Variants in PRELID3A observed in about 807,000 individuals in gnomAD.
PRELID3A encodes PRELI domain containing 3A.
A neutral mutation model predicts 23.0 loss-of-function variants in PRELID3A; 27 were observed. The observed-to-expected ratio is 1.17, with a 90% CI of 0.87 to 1.62. PRELID3A has a LOEUF of 1.62. Among genes scored for constraint, PRELID3A ranks in the 40% most tolerant of loss-of-function variants. The pLI is 0.00. For missense variants in PRELID3A, 231 were observed against 231.4 expected (o/e 1.00, Z 0.01); for synonymous variants, 87 against 86.4 (o/e 1.01, Z -0.04).
At chr18:12,417,610 G>A (rs114771722) in intron 1 of PRELID3A, among the ~76,000 whole-genome samples, 1,997 of 152,300 alleles carry the variant, frequency 0.013, 43 homozygotes, top group African/African-American at 0.045. Context: ...ATTTCTATGG[G>A]AATAAGTCTA....
rs67993774 is a variant in PRELID3A at position 12,426,563 on chromosome 18, A to AAAAAAAAAAAAAAAAACAAAG, written c.292-475_292-474insAAAAAAAAAAAAACAAAGAAA. Among the ~76,000 whole-genome samples, 2 of 87,720 alleles carry AAAAAAAAAAAAAAAAACAAAG rather than the reference A, an allele frequency of 2.3e-5. 1 individual carries two copies. Among genetic ancestry groups the AAAAAAAAAAAAAAAAACAAAG allele is most frequent in the Non-Finnish European group, 4.1e-5 (2 of 48,632 alleles). 57.5% of individuals were successfully genotyped at this position (87,720 alleles called of 152,430 possible). On this transcript the variant is annotated intron_variant, in intron 3 of 6. Coordinates refer to ENST00000440960, the MANE Select transcript of PRELID3A (RefSeq NM_001142405.2). ...AGTGAGACTCCATCTCAAAAAAAAA[A>AAAAAAAAAAAAAAAAACAAAG]AAAGTATAAATATGTACATAAGGAG...
chr18:12,411,301 TA>T (rs775153295), intron 1 of PRELID3A, among the ~76,000 whole-genome samples: 5,752 of 132,054 alleles, frequency 0.044, 122 homozygotes, highest in Non-Finnish European at 0.051. Flanking sequence ...TACTAAAAAA[TA>T]AAAAAAAAAA....
rs1051176398 is a variant in PRELID3A, at chr18:12,421,566, A to G, written c.228A>G (p.Thr76=). 4 of 1,613,738 alleles carry G rather than the reference A, an allele frequency of 2.5e-6. No individual in the cohort carries two copies. The African/African-American group carries it at 4.0e-5, about 16-fold the overall frequency. The stretch of plus-strand genomic sequence containing the variant: ...TTTTGGGAACCAGTAGGACATTGAC[A>G]TACATCCGAGAACATTCTGTGGTGG... ...RAILGTSRTL[T]YIREHSVVDP... is the part of the protein sequence containing the mutation. The change falls in exon 3 of 7, where the codon ACA becomes ACG. Residue 76 remains threonine, a synonymous_variant. Coordinates refer to ENST00000440960, the MANE Select transcript of PRELID3A (RefSeq NM_001142405.2).
At chr18:12,410,481 G>T (rs540421664) in intron 1 of PRELID3A, among the ~76,000 whole-genome samples, 247 of 152,284 alleles carry the variant, frequency 1.6e-3, no homozygotes, top group Non-Finnish European at 2.9e-3. Context: ...GTACCATGAG[G>T]TGGTACCATG....
rs758768125 is a variant in PRELID3A at position 12,420,435 on chromosome 18, G to A, written c.143G>A (p.Arg48His). ...CAGCGCCGCGTGGACGGCCGCGGCC[G>A]CCTGCACAGCTTGCGCCTGCTCAGC... Reference protein sequence around the residue: ...VLQRRVDGRGRLHSLRLLSTE... With the variant: ...VLQRRVDGRGHLHSLRLLSTE... The change falls in exon 2 of 7, where the codon CGC (arginine) becomes CAC (histidine). Residue 48 changes from arginine to histidine, a missense_variant. Arg to His is a conservative substitution (Grantham distance 29, BLOSUM62 0). Transcript: ENST00000440960. 6.3e-7 allele frequency: 1 copy of A among 1,584,102 alleles called. No individual in the cohort carries two copies. Among genetic ancestry groups the A allele is most frequent in the Non-Finnish European group, 8.6e-7 (1 of 1,166,260 alleles).
chr18:12,414,090 CAG>C (rs1016295852), intron 1 of PRELID3A, among the ~76,000 whole-genome samples: 4 of 152,102 alleles, frequency 2.6e-5, no homozygotes, highest in Admixed American at 1.3e-4. Context: ...AGCAGAGAGA[CAG>C]GGGCTCCCAC....
intron 2 of PRELID3A, 148 bp from the exon 3 acceptor site, chr18:12,421,392 G>A (rs774523073): frequency 1.6e-6 from 1 of 629,086 alleles, no homozygotes; most frequent in African/African-American, 1.8e-5. Flanking sequence ...AAGCGCCCTG[G>A]ACACAGGGGT....
chr18:12,431,471 C>T lies in PRELID3A; in HGVS notation c.*355C>T, dbSNP rs2030601013. 7.2e-6 allele frequency: 1 copy of T among 139,430 alleles called. No individual in the cohort carries two copies. The highest frequency in any genetic ancestry group is 2.6e-5 in the African/African-American group (1 of 39,066). 8.6% of individuals were successfully genotyped at this position (139,430 alleles called of 1,614,324 possible). On this transcript the variant is annotated 3_prime_UTR_variant, in exon 7 of 7. Coordinates refer to ENST00000440960, the MANE Select transcript of PRELID3A (RefSeq NM_001142405.2). ...TCTCCCTGCAGGTGACCCGCGCCGC[C>T]CCCGCCCGCCCGCCCACGCTGTCCT...
At chr18:12,425,501 G>A (rs992293986) in intron 3 of PRELID3A, among the ~76,000 whole-genome samples, 6 of 151,462 alleles carry the variant, frequency 4.0e-5, no homozygotes, top group South Asian at 2.1e-4. Flanking sequence ...GCATGGTGGC[G>A]GGCGCCTGTA....
At chr18:12,421,406 G>T (rs778377066) in intron 2 of PRELID3A, 134 bp from the exon 3 acceptor site, 1 of 660,792 alleles carries the variant, frequency 1.5e-6, no homozygotes, top group Non-Finnish European at 2.7e-6. Flanking sequence ...CAGGGGTTTT[G>T]TCTCTGTCCC....
intron 1 of PRELID3A, among the ~76,000 whole-genome samples, chr18:12,417,582 G>A (rs771627490): frequency 3.9e-5 from 6 of 152,202 alleles, no homozygotes; most frequent in Admixed American, 3.9e-4. Context: ...GGCATACCCT[G>A]TTCTGCTTAA....
At position 12,432,090 on chromosome 18, in the gene PRELID3A, A is replaced by G. The variant is rs895725424; in HGVS notation, c.*974A>G. On this transcript the variant is annotated 3_prime_UTR_variant, in exon 7 of 7. Transcript: ENST00000440960. ...GTTAAAAAAGAGTACAGGAGTCTGG[A>G]GTCCGTTGAAGGGTAAAGGCCTCCC... is the stretch of plus-strand genomic sequence containing the variant. The G allele has an allele frequency of 2.6e-5, 4 of 152,260 alleles. No homozygotes were observed. Among genetic ancestry groups the G allele is most frequent in the African/African-American group, 9.6e-5 (4 of 41,476 alleles). The allele number at this position is 152,260 out of a possible 1,614,324, so 9.4% of individuals were successfully genotyped here. A position where few individuals can be genotyped will look rare whatever the true frequency, so the allele number is the denominator to read the frequency against.
At position 12,407,949 on chromosome 18, in the gene PRELID3A, C is replaced by A; in HGVS notation, c.-27C>A. 1 of 1,293,688 alleles carries A rather than the reference C, an allele frequency of 7.7e-7. No homozygotes were observed. Among genetic ancestry groups the A allele is most frequent in the Non-Finnish European group, 9.8e-7 (1 of 1,023,320 alleles). 80.1% of individuals were successfully genotyped at this position (1,293,688 alleles called of 1,614,324 possible). On this transcript the variant is annotated 5_prime_UTR_variant, in exon 1 of 7. Coordinates refer to ENST00000440960, the MANE Select transcript of PRELID3A (RefSeq NM_001142405.2). Reference sequence around the variant, plus strand: ...GGCCCGAAGCACCCGGCCCGGATCGCAGAGCCCGCGCCCTGCGCCGGCGGC... The same window carrying A: ...GGCCCGAAGCACCCGGCCCGGATCGAAGAGCCCGCGCCCTGCGCCGGCGGC...
At chr18:12,409,194 G>A (rs1909832284) in intron 1 of PRELID3A, among the ~76,000 whole-genome samples, 1 of 111,828 alleles carries the variant, frequency 8.9e-6, no homozygotes, top group Non-Finnish European at 1.7e-5. Flanking sequence ...TGAGACATAG[G>A]CTCGCTGGGT....
At chr18:12,411,971 C>T (rs1179492686) in intron 1 of PRELID3A, among the ~76,000 whole-genome samples, 1 of 144,308 alleles carries the variant, frequency 6.9e-6, no homozygotes, top group African/African-American at 2.6e-5. Context: ...AGTGCAGGGG[C>T]GCAGTCTCGG....
intron 3 of PRELID3A, among the ~76,000 whole-genome samples, chr18:12,426,581 A>G (rs957665218): frequency 1.4e-5 from 2 of 142,644 alleles, no homozygotes; most frequent in East Asian, 2.0e-4. Context: ...AAATATGTAC[A>G]TAAGGAGTTA....
rs572695603 is a variant in PRELID3A, at chr18:12,431,838, G to C, written c.*722G>C. On this transcript the variant is annotated 3_prime_UTR_variant, in exon 7 of 7. Transcript: ENST00000440960. ...CACTGCCGTGCCCGGGGGACATCCTGCGCCCAGGCTGGAGGCCCTGCCTCG... is the reference window on the plus strand; with the variant it reads ...CACTGCCGTGCCCGGGGGACATCCTCCGCCCAGGCTGGAGGCCCTGCCTCG... 3 of 152,390 alleles carry C rather than the reference G, an allele frequency of 2.0e-5. No homozygotes were observed. The highest frequency in any genetic ancestry group is 2.0e-4 in the Admixed American group (3 of 15,304). 9.4% of individuals were successfully genotyped at this position (152,390 alleles called of 1,614,324 possible). A position where few individuals can be genotyped will look rare whatever the true frequency, so the allele number is the denominator to read the frequency against.
chr18:12,407,942 C>T lies in PRELID3A; in HGVS notation c.-34C>T, dbSNP rs892699932. On this transcript the variant is annotated 5_prime_UTR_variant, in exon 1 of 7. Transcript: ENST00000440960. Reference sequence around the variant, plus strand: ...GCCGCGCGGCCCGAAGCACCCGGCCCGGATCGCAGAGCCCGCGCCCTGCGC... The same window carrying T: ...GCCGCGCGGCCCGAAGCACCCGGCCTGGATCGCAGAGCCCGCGCCCTGCGC... 4.7e-6 allele frequency: 6 copies of T among 1,290,046 alleles called. No homozygotes were observed. The highest frequency in any genetic ancestry group is 4.1e-5 in the Admixed American group (1 of 24,650). 79.9% of individuals were successfully genotyped at this position (1,290,046 alleles called of 1,614,324 possible).
chr18:12,430,022 G>T (rs938955823), intron 6 of PRELID3A, among the ~76,000 whole-genome samples: 4 of 152,252 alleles, frequency 2.6e-5, no homozygotes, highest in African/African-American at 7.2e-5. Context: ...CCTGATCCCC[G>T]GGGAGGACGC....
Sources: allele counts gnomAD v4.1 joint callset (sites outside exome capture counted in the v4.1 genomes callset), GRCh38; gene constraint gnomAD v4.1.1; transcripts MANE v1.5; gene names NCBI Gene and HGNC (gene_info 2026-07-23, HGNC 2026-07-21).